Variants in IQGAP2 observed in about 807,000 individuals in gnomAD.
IQGAP2 encodes ras GTPase-activating-like protein IQGAP2.
IQGAP2 carries 173 observed loss-of-function variants against 201.3 expected under a neutral mutation model. The observed-to-expected ratio is 0.86, with a 90% CI of 0.76 to 0.98. The LOEUF is 0.98. Among genes scored for constraint, IQGAP2 ranks in the 50% least tolerant of loss-of-function variants. IQGAP2 has a pLI of 0.00. For synonymous variants in IQGAP2, 675 were observed against 673.9 expected (o/e 1.00, Z -0.03); for missense variants, 1,687 against 1,864.8 (o/e 0.90, Z 1.76).
At chr5:76,564,035 T>A (rs574558185) in intron 3 of IQGAP2, among the ~76,000 whole-genome samples, 1 of 151,980 alleles carries the variant, frequency 6.6e-6, no homozygotes, top group African/African-American at 2.4e-5. Context: ...TTGCCTTGAA[T>A]AATGTTATAA....
chr5:76,654,339 T>C (rs1228894001), intron 19 of IQGAP2, 68 bp downstream of exon 19: 4 of 997,996 alleles, frequency 4.0e-6, no homozygotes, highest in Non-Finnish European at 6.2e-6. Context: ...TATTGAAAGT[T>C]AGCATTGAAT....
chr5:76,484,753 C>T (rs1756009583), intron 2 of IQGAP2, among the ~76,000 whole-genome samples: 1 of 152,024 alleles, frequency 6.6e-6, no homozygotes, highest in African/African-American at 2.4e-5. Context: ...TGGACTCAAG[C>T]AGTCCTCCCA....
At chr5:76,436,763 C>T (rs111408213) in intron 1 of IQGAP2, among the ~76,000 whole-genome samples, 14,292 of 150,606 alleles carry the variant, frequency 0.095, 1,756 homozygotes, top group African/African-American at 0.29. Context: ...CTTTTGGCCT[C>T]GTGATCCACC....
intron 2 of IQGAP2, among the ~76,000 whole-genome samples, chr5:76,491,328 C>T (rs1273041344): frequency 2.0e-5 from 3 of 152,100 alleles, no homozygotes; most frequent in Non-Finnish European, 4.4e-5. Context: ...TTCCCTCATA[C>T]TTCCTTTAAT....
In IQGAP2 at chr5:76,658,527, G is replaced by A; in HGVS notation, c.2389G>A (p.Asp797Asn). The A allele has an allele frequency of 6.2e-7, 1 of 1,614,062 alleles. No homozygotes were observed. The highest frequency in any genetic ancestry group is 8.5e-7 in the Non-Finnish European group (1 of 1,179,994). The change falls in exon 21 of 36, where the codon GAT becomes AAT. Residue 797 changes from aspartate (D) to asparagine (N), a missense_variant. By Grantham distance (23) the Asp-to-Asn change is conservative. Coordinates refer to ENST00000274364, the MANE Select transcript of IQGAP2 (RefSeq NM_006633.5). ...FVYLLDQSDL[D>N]FQEELEVARL... Reference sequence around the variant, plus strand: ...ATACCTGCTGGACCAAAGTGATTTGGATTTCCAGGAGGAACTAGAGGTTGC... The same window carrying A: ...ATACCTGCTGGACCAAAGTGATTTGAATTTCCAGGAGGAACTAGAGGTTGC...
chr5:76,485,913 T>C (rs965750488), intron 2 of IQGAP2, among the ~76,000 whole-genome samples: 1 of 152,246 alleles, frequency 6.6e-6, no homozygotes, highest in Admixed American at 6.5e-5. Context: ...ATTTTATTTT[T>C]TTCCACAGCT....
At chr5:76,462,381 TA>T (rs746137530) in intron 2 of IQGAP2, among the ~76,000 whole-genome samples, 33 of 152,228 alleles carry the variant, frequency 2.2e-4, no homozygotes, top group Non-Finnish European at 4.4e-4. Context: ...ATATTGTCTC[TA>T]AAATCACATT....
chr5:76,436,090 C>T (rs757661559), intron 1 of IQGAP2, among the ~76,000 whole-genome samples: 48 of 151,994 alleles, frequency 3.2e-4, no homozygotes, highest in African/African-American at 9.2e-4. Flanking sequence ...CTTTACTGAA[C>T]GCATTTTTCA....
At chr5:76,409,096 C>A (rs1180552669) in intron 1 of IQGAP2, among the ~76,000 whole-genome samples, 1 of 147,438 alleles carries the variant, frequency 6.8e-6, no homozygotes, top group Non-Finnish European at 1.5e-5. Context: ...CCCAGTGAGA[C>A]CCCATCTCTA....
intron 2 of IQGAP2, among the ~76,000 whole-genome samples, chr5:76,485,302 A>G (rs143357475): frequency 1.3e-3 from 191 of 152,310 alleles, no homozygotes; most frequent in Non-Finnish European, 1.6e-3. Flanking sequence ...TTTGACACAT[A>G]AAGATTTACT....
intron 30 of IQGAP2, among the ~76,000 whole-genome samples, chr5:76,684,843 AT>A (rs542669241): frequency 9.4e-5 from 14 of 149,154 alleles, no homozygotes; most frequent in East Asian, 5.9e-4. Context: ...TCTCCACTTG[AT>A]TTTTTTTTTT....
intron 1 of IQGAP2, among the ~76,000 whole-genome samples, chr5:76,423,969 T>G (rs1751865410): frequency 6.6e-6 from 1 of 152,202 alleles, no homozygotes. Flanking sequence ...TAGCGAACAG[T>G]TAAATGGAAA....
intron 32 of IQGAP2, among the ~76,000 whole-genome samples, chr5:76,697,641 A>AG (rs1561605680): frequency 6.6e-6 from 1 of 152,220 alleles, no homozygotes; most frequent in Non-Finnish European, 1.5e-5. Context: ...GTCTAAAAAA[A>AG]AAAGTCTGAA....
intron 2 of IQGAP2, among the ~76,000 whole-genome samples, chr5:76,484,353 G>A (rs1163646249): frequency 6.6e-6 from 1 of 152,160 alleles, no homozygotes; most frequent in Non-Finnish European, 1.5e-5. Flanking sequence ...GTTGTGACAG[G>A]TGGCCCCTCA....
intron 1 of IQGAP2, among the ~76,000 whole-genome samples, chr5:76,419,355 T>G (rs1751590538): frequency 1.3e-5 from 2 of 151,714 alleles, no homozygotes; most frequent in African/African-American, 4.8e-5. Context: ...TTTGTTTTGT[T>G]TTATGTAGTC....
At chr5:76,666,095 C>A (rs1343458552) in intron 22 of IQGAP2, among the ~76,000 whole-genome samples, 1 of 152,180 alleles carries the variant, frequency 6.6e-6, no homozygotes, top group African/African-American at 2.4e-5. Context: ...GCGTGGCTAA[C>A]CTCATGGAGA....
In IQGAP2 at chr5:76,552,146, A is replaced by G. The variant is rs769101547; in HGVS notation, c.147-10250A>G. On this transcript the variant is annotated intron_variant, in intron 2 of 35. Coordinates refer to ENST00000274364, the MANE Select transcript of IQGAP2 (RefSeq NM_006633.5). ...AATACATGCTCACACCCAGAGCCAG[A>G]TAGATCTATTGTCCCATCCTGTAGC... Among the ~76,000 whole-genome samples the G allele has an allele frequency of 3.3e-5, 5 of 152,320 alleles. No homozygotes were observed. The East Asian group carries it at 5.8e-4, about 18-fold the overall frequency.
chr5:76,697,049 A>T (rs1746813761), intron 32 of IQGAP2, among the ~76,000 whole-genome samples: 1 of 152,332 alleles, frequency 6.6e-6, no homozygotes, highest in South Asian at 2.1e-4. Context: ...AAACATTTTC[A>T]TAACTTACCA....
intron 13 of IQGAP2, among the ~76,000 whole-genome samples, chr5:76,622,988 T>G (rs191516747): frequency 3.9e-5 from 6 of 152,232 alleles, no homozygotes; most frequent in Non-Finnish European, 8.8e-5. Flanking sequence ...TGACCAGGTT[T>G]GAATAGAGTG....
Sources: allele counts gnomAD v4.1 joint callset (sites outside exome capture counted in the v4.1 genomes callset), GRCh38; gene constraint gnomAD v4.1.1; transcripts MANE v1.5; gene names NCBI Gene and HGNC (gene_info 2026-07-23, HGNC 2026-07-21).